The following SPATS2 variants were observed in gnomAD, a reference collection of about 807,000 sequenced individuals.
SPATS2 encodes the protein spermatogenesis associated serine rich 2.
SPATS2 carries 38 observed loss-of-function variants against 63.7 expected under a neutral mutation model. The ratio of observed to expected loss-of-function variants is 0.60; its 90% confidence interval spans 0.46 to 0.78. The LOEUF is 0.78. Ranked by LOEUF, SPATS2 falls within the 30% of genes least tolerant of loss-of-function variation. The pLI is 0.00. For missense variants in SPATS2, 588 were observed against 666.2 expected, an observed-to-expected ratio of 0.88 and a Z score of 1.29; for synonymous variants, 207 against 232.9, an observed-to-expected ratio of 0.89 and a Z score of 1.01.
At chr12:49,393,522 C>A (rs1343274707) in intron 2 of SPATS2, among the ~76,000 whole-genome samples, 1 of 151,998 alleles carries the variant, frequency 6.6e-6, no homozygotes, top group Non-Finnish European at 1.5e-5. Flanking sequence ...AGAATTATTT[C>A]TCTTTGTTCG....
At chr12:49,505,385 A>T (rs762088603) in intron 9 of SPATS2, among the ~76,000 whole-genome samples, 3 of 152,158 alleles carry the variant, frequency 2.0e-5, no homozygotes, top group Non-Finnish European at 4.4e-5. Context: ...ATTTAACTCT[A>T]ACCATCTGTG....
intron 9 of SPATS2, among the ~76,000 whole-genome samples, chr12:49,508,158 G>A (rs1034408622): frequency 6.0e-5 from 9 of 151,026 alleles, no homozygotes; most frequent in East Asian, 1.9e-4. Context: ...TACACCACAC[G>A]TTTTCATCTT....
chr12:49,404,332 A>T lies in SPATS2; in HGVS notation c.-244+33042A>T, dbSNP rs184738170. On this transcript the variant is annotated intron_variant, in intron 2 of 13. Transcript: ENST00000552918. Reference sequence around the variant, plus strand: ...GATAAGATCTTGCTCTGTTGCCTAGACTGGGGTGTGGTTGTGTGATCTTAG... The same window carrying T: ...GATAAGATCTTGCTCTGTTGCCTAGTCTGGGGTGTGGTTGTGTGATCTTAG... Among the ~76,000 whole-genome samples the T allele has an allele frequency of 8.2e-3, 1,190 of 145,248 alleles. 10 individuals carry two copies. Among genetic ancestry groups the T allele is most frequent in the Non-Finnish European group, 0.013 (896 of 66,784 alleles).
At chr12:49,437,885 A>G (rs1482120728) in intron 2 of SPATS2, among the ~76,000 whole-genome samples, 1 of 152,106 alleles carries the variant, frequency 6.6e-6, no homozygotes, top group Non-Finnish European at 1.5e-5. Context: ...GAGGGAGCTG[A>G]ATGGTTTCTT....
intron 2 of SPATS2, among the ~76,000 whole-genome samples, chr12:49,384,437 G>A (rs1261093279): frequency 5.3e-5 from 8 of 152,036 alleles, no homozygotes; most frequent in Non-Finnish European, 1.2e-4. Flanking sequence ...CCCATACATG[G>A]TACTGTTCTT....
intron 2 of SPATS2, among the ~76,000 whole-genome samples, chr12:49,446,646 C>G (rs1464000513): frequency 6.6e-6 from 1 of 152,202 alleles, no homozygotes; most frequent in Admixed American, 6.5e-5. Flanking sequence ...TTCCCCTTTG[C>G]CACATCTCTG....
At chr12:49,437,675 GA>G (rs1433139984) in intron 2 of SPATS2, among the ~76,000 whole-genome samples, 1 of 152,238 alleles carries the variant, frequency 6.6e-6, no homozygotes. Flanking sequence ...AAAAAAATAC[GA>G]AAACCAGTCA....
intron 9 of SPATS2, among the ~76,000 whole-genome samples, chr12:49,503,056 A>G (rs1946591002): frequency 2.6e-5 from 4 of 152,206 alleles, no homozygotes; most frequent in Admixed American, 1.3e-4. Context: ...TGGCTTGTTT[A>G]GAAAATAAAG....
In SPATS2 at chr12:49,500,021, A is replaced by G. The variant is rs563405646; in HGVS notation, c.704-49A>G. On this transcript the variant is annotated intron_variant, in intron 8 of 13. Coordinates refer to ENST00000552918, the MANE Select transcript of SPATS2 (RefSeq NM_023071.4). ...TTCAGATCCGACTTTCAAGTTACCTATATAATTATTCTTTTTTTTTTTTTA... is the reference window on the plus strand; with the variant it reads ...TTCAGATCCGACTTTCAAGTTACCTGTATAATTATTCTTTTTTTTTTTTTA... 117 of 1,318,114 alleles carry G rather than the reference A, an allele frequency of 8.9e-5. No homozygotes were observed. The African/African-American group carries it at 1.4e-3, about 16-fold the overall frequency. 81.7% of individuals were successfully genotyped at this position (1,318,114 alleles called of 1,614,324 possible).
chr12:49,424,738 G>C (rs1417347100), intron 2 of SPATS2, among the ~76,000 whole-genome samples: 1 of 152,080 alleles, frequency 6.6e-6, no homozygotes, highest in Non-Finnish European at 1.5e-5. Context: ...GTGAAGTGGC[G>C]AGATCTTGGC....
intron 3 of SPATS2, 105 bp from the exon 4 acceptor site, chr12:49,484,485 C>A: frequency 2.0e-6 from 2 of 1,008,378 alleles, no homozygotes; most frequent in Non-Finnish European, 2.9e-6. Context: ...AACTAAGTTG[C>A]TGTTAATTGT....
chr12:49,408,521 G>A (rs1944736892), intron 2 of SPATS2, among the ~76,000 whole-genome samples: 1 of 149,598 alleles, frequency 6.7e-6, no homozygotes, highest in Non-Finnish European at 1.5e-5. Context: ...CCAAAGTGCT[G>A]AGATTACAGG....
intron 3 of SPATS2, among the ~76,000 whole-genome samples, chr12:49,468,155 G>GTTTTTTTTTTTCTTTTTTTTTTTTTT (rs1945961513): frequency 1.2e-5 from 1 of 82,940 alleles, no homozygotes; most frequent in African/African-American, 4.5e-5. Context: ...TTTCTTTCTT[G>GTTTTTTTTTTTCTTTTTTTTTTTTTT]TTTTTTTTTT....
In SPATS2 at chr12:49,447,374, G is replaced by A. The variant is rs12300629; in HGVS notation, c.-243-13396G>A. ...TTGCCTCAGCCTCCCAAGTAGCTGG[G>A]ACTACAGGTGCGCACCACCATGCCT... On this transcript the variant is annotated intron_variant, in intron 2 of 13. Transcript: ENST00000552918. Among the ~76,000 whole-genome samples the A allele has an allele frequency of 3.2e-3, 482 of 152,294 alleles. 5 individuals carry two copies. Among genetic ancestry groups the A allele is most frequent in the African/African-American group, 0.011 (448 of 41,572 alleles).
intron 7 of SPATS2, among the ~76,000 whole-genome samples, chr12:49,495,466 G>C (rs1036229131): frequency 1.3e-5 from 2 of 151,878 alleles, no homozygotes; most frequent in African/African-American, 4.8e-5. Context: ...CAAAGTGCTG[G>C]GATTACAGGC....
intron 2 of SPATS2, among the ~76,000 whole-genome samples, chr12:49,424,587 C>CTATTATATCTTA (rs1945039759): frequency 6.6e-6 from 1 of 152,122 alleles, no homozygotes; most frequent in South Asian, 2.1e-4. Flanking sequence ...TTATCTGTTA[C>CTATTATATCTTA]TATTATATCT....
intron 9 of SPATS2, among the ~76,000 whole-genome samples, chr12:49,505,972 A>T (rs1325652368): frequency 6.6e-6 from 1 of 152,154 alleles, no homozygotes; most frequent in African/African-American, 2.4e-5. Context: ...TATGAAAGTG[A>T]TACACATTCA....
intron 2 of SPATS2, chr12:49,389,625 A>G: frequency 7.8e-6 from 9 of 1,155,392 alleles, no homozygotes; most frequent in East Asian, 4.7e-5. Flanking sequence ...ACAGCTCTCA[A>G]TAAGCGAGTA....
At chr12:49,464,054 C>G (rs554616209) in intron 3 of SPATS2, among the ~76,000 whole-genome samples, 1 of 152,246 alleles carries the variant, frequency 6.6e-6, no homozygotes, top group South Asian at 2.1e-4. Context: ...TTTAGGAACT[C>G]TTTGATAGTG....
Sources: allele counts gnomAD v4.1 joint callset (sites outside exome capture counted in the v4.1 genomes callset), GRCh38; gene constraint gnomAD v4.1.1; transcripts MANE v1.5; gene names NCBI Gene and HGNC (gene_info 2026-07-23, HGNC 2026-07-21).